TBCD: variants seen among roughly 807,000 people sequenced by gnomAD.
TBCD encodes the protein tubulin-specific chaperone D.
In TBCD, 105 loss-of-function variants were observed where a neutral mutation model predicts 169.3. The observed-to-expected ratio is 0.62, with a 90% CI of 0.53 to 0.73. The LOEUF (loss-of-function observed/expected upper bound fraction) is 0.73. Among genes scored for constraint, TBCD ranks in the 30% least tolerant of loss-of-function variants. The probability of loss-of-function intolerance (pLI) is 0.00; values close to 1 mark genes in which losing one functional copy is unlikely to be tolerated. For missense variants in TBCD, 1,444 were observed against 1,600.1 expected (o/e 0.90, Z 1.66); for synonymous variants, 700 against 643.9 (o/e 1.09, Z -1.32).
At chr17:82,830,927 C>T in intron 13 of TBCD, 1 of 1,613,204 alleles carries the variant, frequency 6.2e-7, no homozygotes. Context: ...AGAAAAGCAA[C>T]TGCGTGAAGC....
chr17:82,797,962 C>CTTTATTTTTTTT (rs2050223216), intron 8 of TBCD, among the ~76,000 whole-genome samples, 160 bp downstream of exon 8: 1 of 49,018 alleles, frequency 2.0e-5, no homozygotes, highest in Non-Finnish European at 3.7e-5. Context: ...AGTAACTGAA[C>CTTTATTTTTTTT]TTTTTTTTTT....
At chr17:82,783,823 G>C (rs1035624452) in intron 7 of TBCD, among the ~76,000 whole-genome samples, 1 of 152,274 alleles carries the variant, frequency 6.6e-6, no homozygotes, top group Admixed American at 6.5e-5. Context: ...GCAAGTTTTT[G>C]TTTAAACTTA....
intron 13 of TBCD, among the ~76,000 whole-genome samples, chr17:82,847,595 A>G (rs566215139): frequency 1.3e-5 from 2 of 152,300 alleles, no homozygotes; most frequent in African/African-American, 4.8e-5. Context: ...TTGTCATGCC[A>G]ATACCTAAAT....
At chr17:82,788,829 A>C (rs1347112486) in intron 7 of TBCD, among the ~76,000 whole-genome samples, 2 of 152,184 alleles carry the variant, frequency 1.3e-5, no homozygotes, top group Non-Finnish European at 2.9e-5. Flanking sequence ...CAGGGTGAGC[A>C]CCAGCGCCCG....
rs185054240 is a variant in TBCD at position 82,920,453 on chromosome 17, G to A, written c.2039-103G>A. 3.3e-4 allele frequency: 326 copies of A among 986,818 alleles called. 1 individual carries two copies. In the Middle Eastern group the frequency reaches 3.9e-3, roughly 12 times the overall value. The allele number at this position is 986,818 out of a possible 1,614,324, so 61.1% of individuals were successfully genotyped here. ...GGGTAGGTTGGGCGGGTGAGGGGCA[G>A]GAGCTGGCCGCACACAACTCAGAAT... On this transcript the variant is annotated intron_variant, in intron 23 of 38. Coordinates refer to ENST00000355528, the MANE Select transcript of TBCD (RefSeq NM_005993.5). This position sits in a 1 kb window ranked among gnomAD's most constrained non-coding sequence, Gnocchi z 4.1.
At position 82,814,881 on chromosome 17, in the gene TBCD, C is replaced by T. The variant is rs139015738; in HGVS notation, c.1265C>T (p.Ala422Val). 5.7e-5 allele frequency: 92 copies of T among 1,613,530 alleles called. No individual in the cohort carries two copies. The highest frequency in any genetic ancestry group is 2.4e-4 in the African/African-American group (18 of 75,014). Reference protein sequence around the residue: ...TDKAWHGGCLALAELGRRGLL... With the variant: ...TDKAWHGGCLVLAELGRRGLL... ...AAGGCGTGGCATGGGGGATGTCTGG[C>T]GCTGGCAGAGCTGGGCAGGAGAGGC... The change falls in exon 13 of 39, where the codon GCG becomes GTG. Residue 422 changes from alanine (A) to valine (V), a missense_variant. Physicochemically the swap from Ala to Val is moderately conservative, Grantham distance 64 (BLOSUM62 0). Transcript: ENST00000355528.
chr17:82,900,833 C>A, intron 18 of TBCD, 102 bp downstream of exon 18: 2 of 858,392 alleles, frequency 2.3e-6, no homozygotes, highest in South Asian at 3.0e-5. Flanking sequence ...CTGTGGATGT[C>A]GTATTTTAAA....
In TBCD at chr17:82,927,252, C is replaced by T; in HGVS notation, c.2538C>T (p.Ser846=). 3.7e-6 allele frequency: 6 copies of T among 1,614,000 alleles called. No homozygotes were observed. Among genetic ancestry groups the T allele is most frequent in the African/African-American group, 1.3e-5 (1 of 75,032 alleles). Reference sequence around the variant, plus strand: ...AAGCTGTGTGCGGAGAGAATGTTTCCCAGATTTACTGTGCGCTGCTGGGCT... The same window carrying T: ...AAGCTGTGTGCGGAGAGAATGTTTCTCAGATTTACTGTGCGCTGCTGGGCT... ...PDEAVCGENV[S]QIYCALLGCM... Residue 846 remains serine, a synonymous_variant, in exon 29 of 39, where the codon TCC becomes TCT. Transcript: ENST00000355528.
intron 4 of TBCD, 42 bp from the exon 5 acceptor site, chr17:82,768,378 T>C (rs2048132473): frequency 1.2e-6 from 2 of 1,611,246 alleles, no homozygotes; most frequent in Non-Finnish European, 1.7e-6. Context: ...TGGCCTGTGA[T>C]TTTCAAGCAA....
chr17:82,791,257 AATTTTTTTGT>A (rs1199009964), intron 7 of TBCD, among the ~76,000 whole-genome samples: 1 of 151,660 alleles, frequency 6.6e-6, no homozygotes, highest in Non-Finnish European at 1.5e-5. Context: ...ACGCCTGGCT[AATTTTTTTGT>A]ATTTTAGTAG....
intron 37 of TBCD, 83 bp from the exon 38 acceptor site, chr17:82,941,316 T>A: frequency 1.6e-6 from 2 of 1,229,710 alleles, no homozygotes; most frequent in South Asian, 2.8e-5. Context: ...ACTGCGGCCA[T>A]GGAAGCTTGA....
chr17:82,759,636 T>A (rs1335979911), intron 2 of TBCD, among the ~76,000 whole-genome samples: 2 of 152,200 alleles, frequency 1.3e-5, no homozygotes. Context: ...ACTGAAGTTT[T>A]AGAAATATTT....
At chr17:82,825,501 G>T (rs1324415876) in intron 13 of TBCD, among the ~76,000 whole-genome samples, 1 of 152,164 alleles carries the variant, frequency 6.6e-6, no homozygotes, top group East Asian at 1.9e-4. Flanking sequence ...CTGTGTTTAT[G>T]GTTCTGCGTC....
chr17:82,927,573 G>A (rs77671788), intron 29 of TBCD, among the ~76,000 whole-genome samples: 1 of 152,108 alleles, frequency 6.6e-6, no homozygotes, highest in Non-Finnish European at 1.5e-5. Flanking sequence ...AGGGTGTGAG[G>A]GAGGACGCGT....
chr17:82,872,830 C>T (rs1426836132), intron 14 of TBCD, among the ~76,000 whole-genome samples: 2 of 152,152 alleles, frequency 1.3e-5, no homozygotes, highest in African/African-American at 2.4e-5. Flanking sequence ...TGACGGCTTC[C>T]CAGCCAGGCC....
chr17:82,933,049 G>C (rs1490619322), intron 34 of TBCD, among the ~76,000 whole-genome samples: 2 of 152,160 alleles, frequency 1.3e-5, no homozygotes, highest in Non-Finnish European at 2.9e-5. Context: ...GTTGTGCTGG[G>C]AGCCGCAGGG....
intron 13 of TBCD, among the ~76,000 whole-genome samples, chr17:82,861,620 G>A (rs1419003483): frequency 3.3e-5 from 5 of 152,228 alleles, no homozygotes. Context: ...CATTGGAGCT[G>A]CAGCTTGGTA....
At position 82,807,976 on chromosome 17, in the gene TBCD, C is replaced by T. The variant is rs376658254; in HGVS notation, c.1148+308C>T. On this transcript the variant is annotated intron_variant, in intron 11 of 38. Coordinates refer to ENST00000355528, the MANE Select transcript of TBCD (RefSeq NM_005993.5). ...CACTGTGCCCCCCACCTATCGTTCC[C>T]CACAGATGGGGGTCACGGCTCCTAC... is the stretch of plus-strand genomic sequence containing the variant. Among the ~76,000 whole-genome samples, 35 of 152,348 alleles carry T rather than the reference C, an allele frequency of 2.3e-4. No individual in the cohort carries two copies. The East Asian group carries it at 2.7e-3, about 12-fold the overall frequency.
At chr17:82,778,958 G>A (rs928593742) in intron 6 of TBCD, among the ~76,000 whole-genome samples, 3 of 151,956 alleles carry the variant, frequency 2.0e-5, no homozygotes, top group East Asian at 1.9e-4. Flanking sequence ...CACTGCGCCC[G>A]GCCATGCCTG....
Sources: allele counts gnomAD v4.1 joint callset (sites outside exome capture counted in the v4.1 genomes callset), GRCh38; gene constraint gnomAD v4.1.1; non-coding constraint Gnocchi (gnomAD v3.1); transcripts MANE v1.5; gene names NCBI Gene and HGNC (gene_info 2026-07-23, HGNC 2026-07-21).